GUCY2C: variants seen among roughly 807,000 people sequenced by gnomAD.
The protein encoded by GUCY2C is guanylyl cyclase C.
Under a neutral mutation model 131.1 loss-of-function variants are expected in GUCY2C, and 118 were observed. That is an observed-to-expected ratio of 0.90 (90% CI 0.78 to 1.05). GUCY2C has a LOEUF of 1.05. Ranked by LOEUF, GUCY2C falls within the 50% of genes least tolerant of loss-of-function variation. GUCY2C has a pLI of 0.00. For synonymous variants in GUCY2C, 452 were observed against 457.8 expected (o/e 0.99, Z 0.16); for missense variants, 1,161 against 1,304.4 (o/e 0.89, Z 1.69).
chr12:14,675,354 C>G (rs1233616089), intron 7 of GUCY2C, among the ~76,000 whole-genome samples: 1 of 151,106 alleles, frequency 6.6e-6, no homozygotes, highest in Non-Finnish European at 1.5e-5. Context: ...AGCAGTTATA[C>G]TTCATTCCCA....
chr12:14,621,228 G>T lies in GUCY2C; in HGVS notation c.2602-12C>A. 6.2e-7 allele frequency: 1 copy of T among 1,604,504 alleles called. No individual in the cohort carries two copies. ...CCGATGGTTTCCACCTGTGGAAACAGTTTCTCATGAGTGCCTCTGCCCCTT... is the reference window on the plus strand; with the variant it reads ...CCGATGGTTTCCACCTGTGGAAACATTTTCTCATGAGTGCCTCTGCCCCTT... On this transcript the variant is annotated splice_polypyrimidine_tract_variant and intron_variant, in intron 22 of 26. Coordinates refer to ENST00000261170, the MANE Select transcript of GUCY2C (RefSeq NM_004963.4).
intron 10 of GUCY2C, among the ~76,000 whole-genome samples, chr12:14,668,705 T>A (rs1444336025): frequency 6.6e-6 from 1 of 152,006 alleles, no homozygotes; most frequent in Non-Finnish European, 1.5e-5. Flanking sequence ...AGATTTTTCC[T>A]AGTCACATGG....
In GUCY2C at chr12:14,613,158, A is replaced by G. The variant is rs1479838875; in HGVS notation, c.3181T>C (p.Leu1061=). 1.2e-6 allele frequency: 2 copies of G among 1,613,394 alleles called. No individual in the cohort carries two copies. The highest frequency in any genetic ancestry group is 2.7e-5 in the African/African-American group (2 of 74,862). Residue 1061 remains leucine, a synonymous_variant, in exon 27 of 27, where the codon TTG becomes CTG. Transcript: ENST00000261170. This position sits in a 1 kb window ranked among gnomAD's most constrained non-coding sequence, Gnocchi z 4.9. ...TCCTTGTCTGTGGTATTCAGCTGCAAGTATTCCAGAGTGCCTTTTTTATAG... is the reference window on the plus strand; with the variant it reads ...TCCTTGTCTGTGGTATTCAGCTGCAGGTATTCCAGAGTGCCTTTTTTATAG... ...ASYKKGTLEY[L]QLNTTDKEST... is the part of the protein sequence containing the mutation.
intron 5 of GUCY2C, among the ~76,000 whole-genome samples, chr12:14,680,773 G>A (rs1948333459): frequency 6.6e-6 from 1 of 152,032 alleles, no homozygotes; most frequent in African/African-American, 2.4e-5. Context: ...CATCTCCTAG[G>A]CAGTGTACGC....
At chr12:14,673,451 T>TA (rs971772966) in intron 8 of GUCY2C, among the ~76,000 whole-genome samples, 19 of 151,864 alleles carry the variant, frequency 1.3e-4, no homozygotes, top group Non-Finnish European at 2.5e-4. Context: ...ACTATTTAGG[T>TA]AAAAAAAAGT....
chr12:14,628,785 A>T (rs1335672570), intron 19 of GUCY2C, 48 bp from the exon 20 acceptor site: 1 of 904,374 alleles, frequency 1.1e-6, no homozygotes, highest in South Asian at 1.3e-5. Flanking sequence ...TAGTAAACTA[A>T]ATCAAGAGAG....
chr12:14,612,932 T>C lies in GUCY2C; in HGVS notation c.*185A>G, dbSNP rs1451803994. 1.9e-6 allele frequency: 1 copy of C among 534,274 alleles called. No individual in the cohort carries two copies. Among genetic ancestry groups the C allele is most frequent in the Non-Finnish European group, 3.4e-6 (1 of 297,758 alleles). The allele number at this position is 534,274 out of a possible 1,614,324, so 33.1% of individuals were successfully genotyped here. A position where few individuals can be genotyped will look rare whatever the true frequency, so the allele number is the denominator to read the frequency against. On this transcript the variant is annotated 3_prime_UTR_variant, in exon 27 of 27. Transcript: ENST00000261170. ...ATAAGGTTCCAGAGTGGAAGGTAGT[T>C]ATTTCACTGAGAACACACATCTGAT...
In GUCY2C at chr12:14,613,205, T is replaced by C. The variant is rs35617837; in HGVS notation, c.3134A>G (p.Gln1045Arg). The C allele has an allele frequency of 6.2e-7, 1 of 1,613,596 alleles. No homozygotes were observed. Among genetic ancestry groups the C allele is most frequent in the East Asian group, 2.2e-5 (1 of 44,868 alleles). The change falls in exon 27 of 27, where the codon CAA becomes CGA. Residue 1045 changes from glutamine to arginine, a missense_variant. Gln to Arg is a conservative substitution (Grantham distance 43, BLOSUM62 1). Coordinates refer to ENST00000261170, the MANE Select transcript of GUCY2C (RefSeq NM_004963.4). The surrounding 1 kb of genome is among the most constrained non-coding windows in gnomAD (Gnocchi z 4.9). ...ATAGCTGGCTACCCGTCTGGGTTTT[T>C]GGCTTCTTATCCCTGCTGCCTGTCT... The part of the protein sequence containing the change: ...QKRQAAGIRS[Q>R]KPRRVASYKK...
chr12:14,616,227 C>T (rs1282487735), intron 25 of GUCY2C, among the ~76,000 whole-genome samples: 2 of 151,948 alleles, frequency 1.3e-5, no homozygotes, highest in African/African-American at 2.4e-5. Context: ...CTAGAGCTTC[C>T]GAATAGTAAA....
intron 20 of GUCY2C, 150 bp from the exon 21 acceptor site, chr12:14,626,065 C>T: frequency 1.7e-6 from 1 of 582,614 alleles, no homozygotes; most frequent in East Asian, 2.9e-5. Context: ...CTCATCCGGG[C>T]ACAGTGGCTC....
chr12:14,616,310 C>G (rs377532392), intron 25 of GUCY2C, among the ~76,000 whole-genome samples: 2 of 152,168 alleles, frequency 1.3e-5, no homozygotes, highest in East Asian at 3.9e-4. Flanking sequence ...AGTGGGGGGA[C>G]AAGGGTTTTG....
Position 14,672,739 on chromosome 12 carries a change from T to G in GUCY2C, c.1170+134A>C, listed in dbSNP as rs1948140490. 3 of 630,820 alleles carry G rather than the reference T, an allele frequency of 4.8e-6. No homozygotes were observed. The African/African-American group carries it at 5.4e-5, about 11-fold the overall frequency. The allele number at this position is 630,820 out of a possible 1,614,324, so 39.1% of individuals were successfully genotyped here. On this transcript the variant is annotated intron_variant, in intron 9 of 26. Coordinates refer to ENST00000261170, the MANE Select transcript of GUCY2C (RefSeq NM_004963.4). ...AATACTACCCTAAGTGGGGCGTAATTGTGAAGTTGAAATGAACTGTCTTCA... is the reference window on the plus strand; with the variant it reads ...AATACTACCCTAAGTGGGGCGTAATGGTGAAGTTGAAATGAACTGTCTTCA...
At chr12:14,681,316 A>C (rs1221458413) in intron 5 of GUCY2C, 40 bp downstream of exon 5, 1 of 1,591,106 alleles carries the variant, frequency 6.3e-7, no homozygotes. Flanking sequence ...AGTCATAAAG[A>C]AGAAGTTAGC....
At chr12:14,648,185 C>A (rs1394500155) in intron 15 of GUCY2C, among the ~76,000 whole-genome samples, 1 of 151,690 alleles carries the variant, frequency 6.6e-6, no homozygotes, top group East Asian at 1.9e-4. Context: ...TGGTCTCGAA[C>A]TCCTGACCTC....
chr12:14,662,946 T>C (rs535414188), intron 10 of GUCY2C, among the ~76,000 whole-genome samples: 107 of 152,240 alleles, frequency 7.0e-4, no homozygotes, highest in African/African-American at 2.4e-3. Context: ...AGATATTTTA[T>C]ATACAATTGA....
chr12:14,681,462 CA>C lies in GUCY2C; in HGVS notation c.626del (p.Leu209ArgfsTer18), dbSNP rs1396660104. 1 of 1,602,844 alleles carries C rather than the reference CA, an allele frequency of 6.2e-7. No homozygotes were observed. Among genetic ancestry groups the C allele is most frequent in the African/African-American group, 1.4e-5 (1 of 72,268 alleles). ...GGGAGAAATAGGAAACGCTAGCCTCCAGAGCATTAAGGTACCTGGAATAGGA... is the reference window on the plus strand; with the variant it reads ...GGGAGAAATAGGAAACGCTAGCCTCCGAGCATTAAGGTACCTGGAATAGGA... Reference protein sequence around the residue: ...TEDCFWYLNALEASVSYFSHE... With the variant: ...TEDCFWYLNAXEASVSYFSHE... On this transcript the variant is annotated frameshift_variant, in exon 5 of 27. Coordinates refer to ENST00000261170, the MANE Select transcript of GUCY2C (RefSeq NM_004963.4). LOFTEE classifies it high-confidence loss of function.
rs562707165 is a variant in GUCY2C, at chr12:14,654,927, G to A, written c.1470+1585C>T. Among the ~76,000 whole-genome samples the A allele has an allele frequency of 4.6e-5, 7 of 152,270 alleles. No homozygotes were observed. The East Asian group carries it at 1.2e-3, about 25-fold the overall frequency. The stretch of plus-strand genomic sequence containing the variant: ...TTCCTATAAACTGCAACCTAACTTA[G>A]TATACAGACAAACTGAAAACTAATT... On this transcript the variant is annotated intron_variant, in intron 12 of 26. Coordinates refer to ENST00000261170, the MANE Select transcript of GUCY2C (RefSeq NM_004963.4).
chr12:14,678,243 G>T (rs1176818980), intron 6 of GUCY2C, among the ~76,000 whole-genome samples: 1 of 152,150 alleles, frequency 6.6e-6, no homozygotes, highest in Admixed American at 6.5e-5. Context: ...CAAATGGGAA[G>T]ATTTAATCTT....
intron 12 of GUCY2C, among the ~76,000 whole-genome samples, chr12:14,656,294 T>C (rs1346118044): frequency 2.0e-5 from 3 of 152,208 alleles, no homozygotes; most frequent in Non-Finnish European, 4.4e-5. Flanking sequence ...GAACACACCA[T>C]ATCTCAGCCT....
Sources: gnomAD v4.1 joint callset for allele counts (sites outside exome capture counted in the v4.1 genomes callset) on GRCh38, gnomAD v4.1.1 for gene constraint, Gnocchi (gnomAD v3.1) non-coding constraint, MANE v1.5 for transcripts, NCBI Gene and HGNC (gene_info 2026-07-23, HGNC 2026-07-21) for gene names.